The following CATSPERE variants were observed in gnomAD, a reference collection of about 807,000 sequenced individuals.
The protein encoded by CATSPERE is catsper channel auxiliary subunit epsilon, also known as cation channel sperm-associated auxiliary subunit epsilon.
Under a neutral mutation model 114.1 loss-of-function variants are expected in CATSPERE, and 93 were observed. That is an observed-to-expected ratio of 0.81 (90% CI 0.69 to 0.97). CATSPERE has a LOEUF of 0.97. Ranked by LOEUF, CATSPERE falls within the 50% of genes least tolerant of loss-of-function variation. The pLI, the probability that CATSPERE is intolerant of heterozygous loss-of-function variation, is 0.00. For synonymous variants in CATSPERE, 341 were observed against 384.1 expected, an observed-to-expected ratio of 0.89 and a Z score of 1.31; for missense variants, 1,058 against 1,131.6, an observed-to-expected ratio of 0.93 and a Z score of 0.93.
chr1:244,601,343 G>A (rs183765666), intron 17 of CATSPERE, among the ~76,000 whole-genome samples: 10 of 152,246 alleles, frequency 6.6e-5, no homozygotes, highest in East Asian at 3.9e-4. Context: ...CAGAAAATGC[G>A]TTGAAAAGAG....
intron 4 of CATSPERE, among the ~76,000 whole-genome samples, chr1:244,478,485 T>C (rs1157228808): frequency 7.9e-5 from 12 of 152,258 alleles, no homozygotes; most frequent in Admixed American, 7.9e-4. Flanking sequence ...AACAAAATAC[T>C]GGCTACATAC....
At chr1:244,463,017 T>G (rs1667051807) in intron 1 of CATSPERE, among the ~76,000 whole-genome samples, 1 of 152,176 alleles carries the variant, frequency 6.6e-6, no homozygotes, top group African/African-American at 2.4e-5. Flanking sequence ...TTTGAGTATT[T>G]GAAATATAGC....
At chr1:244,596,777 T>TAA (rs202200845) in intron 17 of CATSPERE, among the ~76,000 whole-genome samples, 46 of 142,044 alleles carry the variant, frequency 3.2e-4, no homozygotes, top group Non-Finnish European at 4.8e-4. Flanking sequence ...AAGTAAAATT[T>TAA]AAAAAAAAAA....
intron 20 of CATSPERE, among the ~76,000 whole-genome samples, chr1:244,628,531 C>T (rs1240836061): frequency 6.6e-6 from 1 of 152,074 alleles, no homozygotes; most frequent in African/African-American, 2.4e-5. Flanking sequence ...TTCAGATCTA[C>T]TAGTCTCATT....
At chr1:244,517,149 G>C (rs1676771015) in intron 7 of CATSPERE, among the ~76,000 whole-genome samples, 1 of 151,896 alleles carries the variant, frequency 6.6e-6, no homozygotes, top group African/African-American at 2.4e-5. Context: ...TAATTTCTAT[G>C]TGTTAGTTTT....
chr1:244,615,878 C>T (rs556708636), intron 19 of CATSPERE, among the ~76,000 whole-genome samples: 2 of 147,166 alleles, frequency 1.4e-5, no homozygotes, highest in African/African-American at 5.0e-5. Flanking sequence ...CTTTGGGAGG[C>T]TGAGGAGGGA....
chr1:244,466,401 C>G (rs1342159187), intron 2 of CATSPERE, among the ~76,000 whole-genome samples: 1 of 152,138 alleles, frequency 6.6e-6, no homozygotes, highest in Non-Finnish European at 1.5e-5. Context: ...GTAGCAGTGA[C>G]AATCCTCAGG....
At chr1:244,621,641 T>G (rs2999579) in intron 20 of CATSPERE, among the ~76,000 whole-genome samples, 149,604 of 151,936 alleles carry the variant, frequency 0.98, 73,706 homozygotes, top group East Asian at 1. Context: ...ACCTACAAAG[T>G]CTTCCAATAC....
chr1:244,525,547 A>C (rs1678449615), intron 8 of CATSPERE, among the ~76,000 whole-genome samples: 1 of 152,128 alleles, frequency 6.6e-6, no homozygotes, highest in Admixed American at 6.5e-5. Context: ...GATACGCAAC[A>C]ATGAAACACT....
At chr1:244,518,900 C>CCATA (rs1456605901) in intron 8 of CATSPERE, among the ~76,000 whole-genome samples, 1 of 152,026 alleles carries the variant, frequency 6.6e-6, no homozygotes, top group African/African-American at 2.4e-5. Context: ...CAATTTGTGT[C>CCATA]CATACATAAT....
At chr1:244,458,342 T>C (rs1208377416), upstream of CATSPERE, among the ~76,000 whole-genome samples, 1 of 152,040 alleles carries the variant, frequency 6.6e-6, no homozygotes, top group African/African-American at 2.4e-5. Flanking sequence ...TTATGTAAAA[T>C]TGTTGTATGC....
At chr1:244,493,832 CA>C (rs1031011835) in intron 6 of CATSPERE, among the ~76,000 whole-genome samples, 9 of 152,026 alleles carry the variant, frequency 5.9e-5, no homozygotes, top group Non-Finnish European at 1.2e-4. Flanking sequence ...TTTATGCAGC[CA>C]AAAAACACAT....
chr1:244,639,832 C>A, intron 21 of CATSPERE, 96 bp from the exon 22 acceptor site: 2 of 1,122,942 alleles, frequency 1.8e-6, no homozygotes, highest in Non-Finnish European at 2.5e-6. Flanking sequence ...CTGTCAATGG[C>A]ATAGTAGCTA....
chr1:244,572,855 T>A lies in CATSPERE; in HGVS notation c.1950+83T>A, dbSNP rs996628080. On this transcript the variant is annotated intron_variant, in intron 11 of 21. Transcript: ENST00000366534. ...TAACATTTTTGTAAATGGATTTCCCTTCTAGGCTCAGCTGGGAAAATGTTG... is the reference window on the plus strand; with the variant it reads ...TAACATTTTTGTAAATGGATTTCCCATCTAGGCTCAGCTGGGAAAATGTTG... The A allele has an allele frequency of 8.7e-6, 8 of 920,408 alleles. No individual in the cohort carries two copies. The South Asian group carries it at 1.7e-4, about 20-fold the overall frequency. The allele number at this position is 920,408 out of a possible 1,614,324, so 57.0% of individuals were successfully genotyped here. A position where few individuals can be genotyped will look rare whatever the true frequency, so the allele number is the denominator to read the frequency against.
At position 244,599,172 on chromosome 1, in the gene CATSPERE, G is replaced by T. The variant is rs543820286; in HGVS notation, c.2303+5594G>T. ...CTATTGCCATGGCTCAAATCTAACT[G>T]CAAGGTGGTGTATAAAATGTAATCA... On this transcript the variant is annotated intron_variant, in intron 17 of 21. Coordinates refer to ENST00000366534, the MANE Select transcript of CATSPERE (RefSeq NM_001130957.2). 1.2e-4 allele frequency among the ~76,000 whole-genome samples: 18 copies of T among 152,208 alleles called. No individual in the cohort carries two copies. In the East Asian group the frequency reaches 3.1e-3, roughly 26 times the overall value.
Position 244,568,469 on chromosome 1 carries a change from C to T in CATSPERE, c.1508-3861C>T, listed in dbSNP as rs1055792393. Among the ~76,000 whole-genome samples the T allele has an allele frequency of 1.3e-5, 2 of 152,246 alleles. No homozygotes were observed. Among genetic ancestry groups the T allele is most frequent in the Non-Finnish European group, 1.5e-5 (1 of 68,046 alleles). ...CCACCCCTTTCCCCAGGTGCTCTGT[C>T]CCAGGGAGATGAGGGTTTTATCTAT... On this transcript the variant is annotated intron_variant, in intron 10 of 21. Coordinates refer to ENST00000366534, the MANE Select transcript of CATSPERE (RefSeq NM_001130957.2). The surrounding 1 kb of genome is among the most constrained non-coding windows in gnomAD (Gnocchi z 4.4).
At chr1:244,565,062 A>T (rs186409963) in intron 10 of CATSPERE, among the ~76,000 whole-genome samples, 2 of 152,212 alleles carry the variant, frequency 1.3e-5, no homozygotes, top group East Asian at 3.9e-4. Context: ...ATTGATTTGC[A>T]TATATTGAAC....
chr1:244,571,642 G>A (rs1368968254), intron 10 of CATSPERE, among the ~76,000 whole-genome samples: 8 of 152,158 alleles, frequency 5.3e-5, no homozygotes, highest in Non-Finnish European at 1.2e-4. Context: ...TGCTAGGGTT[G>A]CCATAACAAA....
In CATSPERE at chr1:244,560,888, A is replaced by G. The variant is rs1291740400; in HGVS notation, c.1250A>G (p.Lys417Arg). The G allele has an allele frequency of 2.5e-6, 4 of 1,614,156 alleles. No homozygotes were observed. Among genetic ancestry groups the G allele is most frequent in the Non-Finnish European group, 3.4e-6 (4 of 1,180,020 alleles). ...LNYCTVCNVT[K>R]KIFLVIYNED... ...TATTGCACTGTATGTAACGTCACCAAAAAGATTTTCTTAGTGATATATAAT... is the reference window on the plus strand; with the variant it reads ...TATTGCACTGTATGTAACGTCACCAGAAAGATTTTCTTAGTGATATATAAT... The change falls in exon 10 of 22, where the codon AAA (lysine) becomes AGA (arginine). Residue 417 changes from lysine (K) to arginine (R), a missense_variant. Physicochemically the swap from Lys to Arg is conservative, Grantham distance 26. This residue lies in a region of CATSPERE where 787 missense variants were observed against 905.6 expected (regional missense o/e 0.87). Transcript: ENST00000366534.
Sources: gnomAD v4.1 joint callset for allele counts (sites outside exome capture counted in the v4.1 genomes callset) on GRCh38, gnomAD v4.1.1 for gene constraint, gnomAD v4.1.1 regional missense constraint, Gnocchi (gnomAD v3.1) non-coding constraint, MANE v1.5 for transcripts, NCBI Gene and HGNC (gene_info 2026-07-23, HGNC 2026-07-21) for gene names.